Variants in CBFA2T2 observed in about 807,000 individuals in gnomAD.
CBFA2T2 encodes protein CBFA2T2.
A neutral mutation model predicts 62.2 loss-of-function variants in CBFA2T2; 11 were observed. The observed-to-expected ratio is 0.18, with a 90% confidence interval of 0.11 to 0.29. The LOEUF (loss-of-function observed/expected upper bound fraction) is 0.29, where lower values mean the gene tolerates loss of function less well. CBFA2T2 is among the 10% of genes least tolerant of loss of function. The probability of loss-of-function intolerance (pLI) is 1.00; values close to 1 mark genes in which losing one functional copy is unlikely to be tolerated. For synonymous variants in CBFA2T2, 295 were observed against 287.5 expected (o/e 1.03, Z -0.27); for missense variants, 592 against 774.1 (o/e 0.76, Z 2.79).
At chr20:33,619,437 A>G (rs1394085007) in intron 3 of CBFA2T2, 80 bp from the exon 4 acceptor site, 3 of 709,712 alleles carry the variant, frequency 4.2e-6, no homozygotes, top group African/African-American at 1.9e-5. Context: ...AACATTAAAA[A>G]AAAAAAAAAA....
At chr20:33,540,959 G>A (rs1188486155) in intron 1 of CBFA2T2, among the ~76,000 whole-genome samples, 2 of 152,246 alleles carry the variant, frequency 1.3e-5, no homozygotes, top group East Asian at 3.9e-4. Flanking sequence ...CAAGTAGAAG[G>A]TACTAGCTTA....
In CBFA2T2 at chr20:33,649,609, C is replaced by G. The variant is rs928442611; in HGVS notation, c.*4963C>G. On this transcript the variant is annotated 3_prime_UTR_variant, in exon 11 of 11. Transcript: ENST00000342704. ...ATGCTTATACCAAATAGGGCATGTG[C>G]GCTGGTGTCTGTTGGGGACAGCCCC... The G allele has an allele frequency of 1.3e-5, 2 of 152,240 alleles. No individual in the cohort carries two copies. The highest frequency in any genetic ancestry group is 1.3e-4 in the Admixed American group (2 of 15,272). The allele number at this position is 152,240 out of a possible 1,614,324, so 9.4% of individuals were successfully genotyped here. A position where few individuals can be genotyped will look rare whatever the true frequency, so the allele number is the denominator to read the frequency against.
At chr20:33,594,849 A>G (rs1340795203) in intron 1 of CBFA2T2, among the ~76,000 whole-genome samples, 3 of 152,218 alleles carry the variant, frequency 2.0e-5, no homozygotes, top group Admixed American at 6.5e-5. Context: ...GGTGGCTTCC[A>G]TACAAAGGCA....
At chr20:33,587,018 T>C (rs2014397064) in intron 1 of CBFA2T2, among the ~76,000 whole-genome samples, 1 of 152,164 alleles carries the variant, frequency 6.6e-6, no homozygotes, top group Non-Finnish European at 1.5e-5. Flanking sequence ...CACGGCTCAC[T>C]GCAGCCACAA....
At chr20:33,505,599 G>A (rs905652504) in intron 1 of CBFA2T2, among the ~76,000 whole-genome samples, 1 of 152,012 alleles carries the variant, frequency 6.6e-6, no homozygotes, top group East Asian at 1.9e-4. Context: ...GCCTCAACAT[G>A]GAGAAACCCC....
chr20:33,557,792 C>T (rs2012948363), intron 1 of CBFA2T2, among the ~76,000 whole-genome samples: 1 of 152,080 alleles, frequency 6.6e-6, no homozygotes. Context: ...CAGGCGTGAA[C>T]CACTGTGCCC....
rs199805350 is a variant in CBFA2T2 at position 33,621,287 on chromosome 20, C to CTTT, written c.510+1705_510+1707dup. On this transcript the variant is annotated intron_variant, in intron 4 of 10. Transcript: ENST00000342704. ...TCTATAATACCTTTAATTTTACTGC[C>CTTT]TTTTTTTTTTTTTTTTTTTTTTTTT... Among the ~76,000 whole-genome samples the CTTT allele has an allele frequency of 1.8e-3, 153 of 85,298 alleles. 18 individuals carry two copies. The highest frequency in any genetic ancestry group is 6.9e-3 in the Middle Eastern group (1 of 144). 56.0% of individuals were successfully genotyped at this position (85,298 alleles called of 152,430 possible).
chr20:33,588,222 T>C (rs980501864), intron 1 of CBFA2T2, among the ~76,000 whole-genome samples: 4 of 152,114 alleles, frequency 2.6e-5, no homozygotes, highest in Non-Finnish European at 4.4e-5. Context: ...GTGTATGGTA[T>C]GTAGCTATTT....
chr20:33,601,251 ATTG>A (rs1369907575), intron 1 of CBFA2T2, among the ~76,000 whole-genome samples: 4 of 149,606 alleles, frequency 2.7e-5, no homozygotes, highest in African/African-American at 4.9e-5. Flanking sequence ...TGGGTTTTTT[ATTG>A]TTGTTGTTGT....
chr20:33,634,944 G>T (rs2016585232), intron 8 of CBFA2T2, among the ~76,000 whole-genome samples: 1 of 152,132 alleles, frequency 6.6e-6, no homozygotes, highest in Non-Finnish European at 1.5e-5. Context: ...CAATAATGTA[G>T]CATTGTTAAT....
rs753083964 is a variant in CBFA2T2, at chr20:33,628,423, A to G, written c.1020A>G (p.Lys340=). 1.9e-6 allele frequency: 3 copies of G among 1,610,012 alleles called. No individual in the cohort carries two copies. The highest frequency in any genetic ancestry group is 2.2e-5 in the East Asian group (1 of 44,890). ...AAAGGGAATGGGCTGATGAATGGAA[A>G]CATCTTGACCATGTAAGAATCTTGT... ...LTEREWADEW[K]HLDHALNCIM... The change falls in exon 7 of 11, where the codon AAA becomes AAG. Residue 340 remains lysine (K), a synonymous_variant. Coordinates refer to ENST00000342704, the MANE Select transcript of CBFA2T2 (RefSeq NM_001032999.3).
At chr20:33,586,541 A>G (rs2014378960) in intron 1 of CBFA2T2, among the ~76,000 whole-genome samples, 1 of 152,200 alleles carries the variant, frequency 6.6e-6, no homozygotes, top group African/African-American at 2.4e-5. Flanking sequence ...TGAGGTTTTA[A>G]GCAGAACCTG....
At position 33,490,316 on chromosome 20, in the gene CBFA2T2, A is replaced by G; in HGVS notation, c.34+15A>G. 7.8e-7 allele frequency: 1 copy of G among 1,284,250 alleles called. No individual in the cohort carries two copies. Among genetic ancestry groups the G allele is most frequent in the Non-Finnish European group, 9.8e-7 (1 of 1,016,252 alleles). 79.6% of individuals were successfully genotyped at this position (1,284,250 alleles called of 1,614,324 possible). The stretch of plus-strand genomic sequence containing the variant: ...CGCCTTCCAGCGTAAGTGGGGCGTG[A>G]ATGCGGGCGGCCGAGGGGGGCGTGT... On this transcript the variant is annotated intron_variant, in intron 1 of 10. Transcript: ENST00000342704.
chr20:33,604,926 G>T (rs1435589555), intron 1 of CBFA2T2, among the ~76,000 whole-genome samples: 1 of 152,184 alleles, frequency 6.6e-6, no homozygotes, highest in East Asian at 1.9e-4. Context: ...GAAAAGGCAA[G>T]CGCAACAGCT....
intron 1 of CBFA2T2, among the ~76,000 whole-genome samples, chr20:33,496,017 G>A (rs1210943847): frequency 1.3e-5 from 2 of 152,198 alleles, no homozygotes; most frequent in African/African-American, 4.8e-5. Context: ...AGGAGGGGCC[G>A]TGCACAAGTC....
At chr20:33,535,011 A>G (rs2012167826) in intron 1 of CBFA2T2, among the ~76,000 whole-genome samples, 1 of 152,228 alleles carries the variant, frequency 6.6e-6, no homozygotes, top group African/African-American at 2.4e-5. Flanking sequence ...TGCTTGACAC[A>G]GGGTTGCCAG....
At position 33,644,746 on chromosome 20, in the gene CBFA2T2, A is replaced by G; in HGVS notation, c.*100A>G. 1.6e-6 allele frequency: 2 copies of G among 1,289,432 alleles called. No homozygotes were observed. Among genetic ancestry groups the G allele is most frequent in the South Asian group, 1.4e-5 (1 of 70,070 alleles). 79.9% of individuals were successfully genotyped at this position (1,289,432 alleles called of 1,614,324 possible). ...CCGTGCATGTAGCTGCCGGGTCATCAGCAAGAAATGAATTGGAGGCAGGAA... is the reference window on the plus strand; with the variant it reads ...CCGTGCATGTAGCTGCCGGGTCATCGGCAAGAAATGAATTGGAGGCAGGAA... On this transcript the variant is annotated 3_prime_UTR_variant, in exon 11 of 11. Transcript: ENST00000342704.
At chr20:33,627,921 A>G (rs1055025049) in intron 6 of CBFA2T2, among the ~76,000 whole-genome samples, 2 of 152,164 alleles carry the variant, frequency 1.3e-5, no homozygotes, top group African/African-American at 2.4e-5. Flanking sequence ...CACCAAAAAA[A>G]TTTTTTTAAG....
intron 1 of CBFA2T2, among the ~76,000 whole-genome samples, chr20:33,594,601 T>C (rs2014809202): frequency 6.6e-6 from 1 of 152,186 alleles, no homozygotes; most frequent in East Asian, 1.9e-4. Context: ...CCAAGAGACC[T>C]GGCTTTTTGA....
Sources: allele counts gnomAD v4.1 joint callset (sites outside exome capture counted in the v4.1 genomes callset), GRCh38; gene constraint gnomAD v4.1.1; transcripts MANE v1.5; gene names NCBI Gene and HGNC (gene_info 2026-07-23, HGNC 2026-07-21).